Variants in MAST4 observed in about 807,000 individuals in gnomAD.
The protein encoded by MAST4 is microtubule-associated serine/threonine-protein kinase 4.
Under a neutral mutation model 162.7 loss-of-function variants are expected in MAST4, and 89 were observed. That is an observed-to-expected ratio of 0.55 (90% CI 0.46 to 0.65). The LOEUF (loss-of-function observed/expected upper bound fraction) is 0.65, where lower values mean the gene tolerates loss of function less well. Ranked by LOEUF, MAST4 falls within the 30% of genes least tolerant of loss-of-function variation. The pLI is 0.00. For missense variants in MAST4, 3,153 were observed against 3,374.0 expected (o/e 0.93, Z 1.62); for synonymous variants, 1,479 against 1,361.1 (o/e 1.09, Z -1.91).
chr5:66,648,079 T>C lies in MAST4; in HGVS notation c.363+51061T>C, dbSNP rs1049412144. Among the ~76,000 whole-genome samples the C allele has an allele frequency of 1.5e-3, 158 of 103,730 alleles. 1 individual carries two copies. Among genetic ancestry groups the C allele is most frequent in the African/African-American group, 6.9e-3 (156 of 22,560 alleles). The allele number at this position is 103,730 out of a possible 152,430, so 68.1% of individuals were successfully genotyped here. A position where few individuals can be genotyped will look rare whatever the true frequency, so the allele number is the denominator to read the frequency against. The stretch of plus-strand genomic sequence containing the variant: ...GTGTGTGTGTGTGTGTGTGTGTGTG[T>C]GTGTGAGAGAGAGAGAGAGAGAGAG... On this transcript the variant is annotated intron_variant, in intron 1 of 28. Coordinates refer to ENST00000403625, the MANE Select transcript of MAST4 (RefSeq NM_001164664.2).
chr5:67,123,047 C>A (rs1450963488), intron 14 of MAST4, among the ~76,000 whole-genome samples: 1 of 152,198 alleles, frequency 6.6e-6, no homozygotes, highest in Non-Finnish European at 1.5e-5. Context: ...AATAGAACCA[C>A]CCCCATTGGT....
intron 4 of MAST4, among the ~76,000 whole-genome samples, chr5:66,997,594 G>A (rs1400537759): frequency 6.6e-6 from 1 of 151,998 alleles, no homozygotes; most frequent in African/African-American, 2.4e-5. Context: ...ACCATGCCCA[G>A]CTAATTTTTT....
At chr5:66,694,484 C>G (rs1749264209) in intron 1 of MAST4, among the ~76,000 whole-genome samples, 1 of 151,594 alleles carries the variant, frequency 6.6e-6, no homozygotes. Context: ...TTCTTTTTTT[C>G]TTTCTTTTTT....
In MAST4 at chr5:67,164,845, T is replaced by C. The variant is rs747790587; in HGVS notation, c.5666T>C (p.Val1889Ala). Residue 1889 changes from valine to alanine, a missense_variant, in exon 29 of 29, where the codon GTT becomes GCT. Coordinates refer to ENST00000403625, the MANE Select transcript of MAST4 (RefSeq NM_001164664.2). This position sits in a 1 kb window ranked among gnomAD's most constrained non-coding sequence, Gnocchi z 5.3. ...PSRGLQNSPA[V>A]SLPDPEFKRD... ...CGAGGTCTCCAGAATTCACCAGCAG[T>C]TTCCCTGCCTGACCCAGAGTTCAAG... is the stretch of plus-strand genomic sequence containing the variant. 6 of 1,613,858 alleles carry C rather than the reference T, an allele frequency of 3.7e-6. No individual in the cohort carries two copies. In the East Asian group the frequency reaches 1.3e-4, roughly 36 times the overall value.
At position 67,108,532 on chromosome 5, in the gene MAST4, G is replaced by T. The variant is rs561192342; in HGVS notation, c.1357-1566G>T. ...TTTGAGATGTATATATATGTGCATT[G>T]TTATATATGTCCTAACATCCTTCCT... On this transcript the variant is annotated intron_variant, in intron 10 of 28. Transcript: ENST00000403625. Among the ~76,000 whole-genome samples, 8 of 152,220 alleles carry T rather than the reference G, an allele frequency of 5.3e-5. No homozygotes were observed. In the East Asian group the frequency reaches 1.2e-3, roughly 22 times the overall value.
At chr5:66,731,598 T>G (rs575633190) in intron 1 of MAST4, among the ~76,000 whole-genome samples, 1 of 152,150 alleles carries the variant, frequency 6.6e-6, no homozygotes. Flanking sequence ...CTCTTCCAAC[T>G]TTTTTTTGTT....
At chr5:66,861,563 T>C (rs27422) in intron 3 of MAST4, among the ~76,000 whole-genome samples, 61,153 of 152,152 alleles carry the variant, frequency 0.4, 12,415 homozygotes, top group East Asian at 0.53. Flanking sequence ...ACACATGCTA[T>C]GTGAGCCCCA....
chr5:66,833,236 A>G (rs1386129163), intron 3 of MAST4, among the ~76,000 whole-genome samples: 2 of 152,154 alleles, frequency 1.3e-5, no homozygotes, highest in Admixed American at 6.5e-5. Context: ...TGAAACAGCA[A>G]TTCTCCAAGT....
chr5:66,947,658 C>G (rs956883463), intron 4 of MAST4, among the ~76,000 whole-genome samples: 1 of 152,144 alleles, frequency 6.6e-6, no homozygotes, highest in African/African-American at 2.4e-5. Flanking sequence ...TAATCCTCCT[C>G]CGACCTGCAA....
intron 3 of MAST4, among the ~76,000 whole-genome samples, chr5:66,799,868 A>G (rs1431268756): frequency 6.6e-6 from 1 of 152,214 alleles, no homozygotes; most frequent in African/African-American, 2.4e-5. Flanking sequence ...AAGGAACATA[A>G]CCTTCCTGTG....
intron 3 of MAST4, among the ~76,000 whole-genome samples, chr5:66,883,268 G>A (rs570481837): frequency 2.0e-5 from 3 of 152,216 alleles, no homozygotes; most frequent in Admixed American, 6.5e-5. Context: ...CATATTGTGA[G>A]CAGTGGTCTC....
chr5:66,947,307 A>C (rs555807214), intron 4 of MAST4, among the ~76,000 whole-genome samples: 2 of 152,254 alleles, frequency 1.3e-5, no homozygotes, highest in Admixed American at 1.3e-4. Flanking sequence ...TGACATGTCA[A>C]GGAACACTGA....
intron 1 of MAST4, among the ~76,000 whole-genome samples, chr5:66,695,247 T>C (rs1749322555): frequency 6.6e-6 from 1 of 152,220 alleles, no homozygotes; most frequent in East Asian, 1.9e-4. Context: ...TAGCCAGTTT[T>C]CCCAGCACCA....
At position 67,153,418 on chromosome 5, in the gene MAST4, A is replaced by G. The variant is rs547451416; in HGVS notation, c.3526-40A>G. 3.8e-6 allele frequency: 6 copies of G among 1,580,618 alleles called. No individual in the cohort carries two copies. In the South Asian group the frequency reaches 7.0e-5, roughly 18 times the overall value. On this transcript the variant is annotated intron_variant, in intron 25 of 28. Transcript: ENST00000403625. Reference sequence around the variant, plus strand: ...AGACACAGTAGGTGTTAGAGTAGTCATTTGTTTGCCTACAAATATCCTCTC... The same window carrying G: ...AGACACAGTAGGTGTTAGAGTAGTCGTTTGTTTGCCTACAAATATCCTCTC...
intron 3 of MAST4, among the ~76,000 whole-genome samples, chr5:66,819,992 G>A (rs986919852): frequency 4.0e-5 from 6 of 148,150 alleles, no homozygotes; most frequent in African/African-American, 1.5e-4. Flanking sequence ...TAGAGATGGG[G>A]TTTCAAACTT....
At chr5:67,036,195 C>T (rs962365808) in intron 4 of MAST4, among the ~76,000 whole-genome samples, 1 of 152,162 alleles carries the variant, frequency 6.6e-6, no homozygotes, top group African/African-American at 2.4e-5. Flanking sequence ...AAATTAGTAT[C>T]TCAATAAAGT....
intron 5 of MAST4, among the ~76,000 whole-genome samples, chr5:67,080,945 T>C (rs1451879373): frequency 1.4e-5 from 2 of 138,476 alleles, no homozygotes; most frequent in Admixed American, 1.6e-4. Context: ...ATATATATTA[T>C]ATAATATAAT....
intron 4 of MAST4, among the ~76,000 whole-genome samples, chr5:66,915,083 G>A (rs927971293): frequency 4.6e-5 from 7 of 151,946 alleles, no homozygotes; most frequent in Non-Finnish European, 8.8e-5. Context: ...GGTCAACATG[G>A]TGAGACCCTG....
intron 4 of MAST4, among the ~76,000 whole-genome samples, chr5:66,904,794 G>T (rs1763235862): frequency 6.6e-6 from 1 of 152,026 alleles, no homozygotes; most frequent in Non-Finnish European, 1.5e-5. Flanking sequence ...TTAGGTTCAG[G>T]AAGTACGTGT....
Sources: allele counts gnomAD v4.1 joint callset (sites outside exome capture counted in the v4.1 genomes callset), GRCh38; gene constraint gnomAD v4.1.1; non-coding constraint Gnocchi (gnomAD v3.1); transcripts MANE v1.5; gene names NCBI Gene and HGNC (gene_info 2026-07-23, HGNC 2026-07-21).